PLA2G6: variants seen among roughly 807,000 people sequenced by gnomAD.
PLA2G6 encodes the protein phospholipase A2 group VI.
Under a neutral mutation model 83.8 loss-of-function variants are expected in PLA2G6, and 62 were observed. That is an observed-to-expected ratio of 0.74 (90% CI 0.60 to 0.91). The LOEUF (loss-of-function observed/expected upper bound fraction) is 0.91, where lower values mean the gene tolerates loss of function less well. Among genes scored for constraint, PLA2G6 ranks in the 40% least tolerant of loss-of-function variants. The pLI is 0.00. For missense variants in PLA2G6, 944 were observed against 1,102.0 expected, an observed-to-expected ratio of 0.86 and a Z score of 2.03; for synonymous variants, 417 against 449.8, an observed-to-expected ratio of 0.93 and a Z score of 0.92.
At position 38,112,672 on chromosome 22, in the gene PLA2G6, G is replaced by C. The variant is rs115102839; in HGVS notation, c.2203-95C>G. On this transcript the variant is annotated intron_variant, in intron 15 of 16. Coordinates refer to ENST00000332509, the MANE Select transcript of PLA2G6 (RefSeq NM_003560.4). ...CCTGCACTCTCGGAGCCCCAGCCTGGGGAGCCCCAGGCTCTTTCGAGTCAG... is the reference window on the plus strand; with the variant it reads ...CCTGCACTCTCGGAGCCCCAGCCTGCGGAGCCCCAGGCTCTTTCGAGTCAG... 1,504 of 1,058,504 alleles carry C rather than the reference G, an allele frequency of 1.4e-3. 22 individuals are homozygous for C. The African/African-American group carries it at 0.02, about 14-fold the overall frequency. The allele number at this position is 1,058,504 out of a possible 1,614,324, so 65.6% of individuals were successfully genotyped here. A position where few individuals can be genotyped will look rare whatever the true frequency, so the allele number is the denominator to read the frequency against.
intron 5 of PLA2G6, 85 bp from the exon 6 acceptor site, chr22:38,135,169 C>T (rs1055560424): frequency 6.8e-6 from 6 of 888,602 alleles, no homozygotes; most frequent in Admixed American, 1.8e-5. Flanking sequence ...GCTTCATCTA[C>T]TGCTTACAGA....
Position 38,128,301 on chromosome 22 carries a change from G to C in PLA2G6, c.1316C>G (p.Ala439Gly), listed in dbSNP as rs759442680. The C allele has an allele frequency of 1.9e-6, 3 of 1,612,990 alleles. No homozygotes were observed. The Admixed American group carries it at 5.0e-5, about 27-fold the overall frequency. ...APHHPFSLER[A>G]QPPPISLNNL... ...GTTTAGGCTGATCGGTGGGGGCTGA[G>C]CTCTTTCCAGGGAGAAGGGATGATG... Residue 439 changes from alanine (A) to glycine (G), a missense_variant, in exon 9 of 17, where the codon GCT becomes GGT. Coordinates refer to ENST00000332509, the MANE Select transcript of PLA2G6 (RefSeq NM_003560.4). The surrounding 1 kb of genome is among the most constrained non-coding windows in gnomAD (Gnocchi z 4.4).
chr22:38,127,783 T>G (rs980378630), intron 9 of PLA2G6, among the ~76,000 whole-genome samples: 4 of 152,168 alleles, frequency 2.6e-5, no homozygotes, highest in African/African-American at 9.7e-5. Flanking sequence ...GGGCAGATGC[T>G]GGCTGCCTGG....
intron 9 of PLA2G6, chr22:38,126,762 C>T (rs1243276660): frequency 7.2e-6 from 3 of 416,154 alleles, no homozygotes; most frequent in South Asian, 4.3e-5. Flanking sequence ...GCATGAATAC[C>T]CTTGCGTGTC....
chr22:38,136,795 T>C (rs1231694935), intron 5 of PLA2G6: 1 of 149,644 alleles, frequency 6.7e-6, no homozygotes, highest in East Asian at 2.0e-4. Context: ...ATGGGTTTAA[T>C]TCCCAGGTCT....
At chr22:38,148,554 G>A (rs2089394641) in intron 2 of PLA2G6, 4 of 717,280 alleles carry the variant, frequency 5.6e-6, no homozygotes. Flanking sequence ...TTACTGGAGA[G>A]GATGGGCAGA....
chr22:38,153,189 T>A lies in PLA2G6; in HGVS notation c.210-7536A>T, dbSNP rs542211631. On this transcript the variant is annotated intron_variant, in intron 2 of 16. Transcript: ENST00000332509. ...GCTCATGCCTGTAATCCCAGCACTT[T>A]GGGAGGCCGAGGTGCGTGGATCACC... Among the ~76,000 whole-genome samples, 6 of 152,320 alleles carry A rather than the reference T, an allele frequency of 3.9e-5. No homozygotes were observed. In the South Asian group the frequency reaches 1.2e-3, roughly 32 times the overall value.
At position 38,143,192 on chromosome 22, in the gene PLA2G6, G is replaced by C. The variant is rs1224061591; in HGVS notation, c.522C>G (p.Tyr174Ter). Residue 174 changes from tyrosine to a stop codon, truncating the protein, a stop_gained, in exon 4 of 17, where the codon TAC becomes TAG. Coordinates refer to ENST00000332509, the MANE Select transcript of PLA2G6 (RefSeq NM_003560.4). LOFTEE classifies it high-confidence loss of function. The stretch of plus-strand genomic sequence containing the variant: ...CGGTGACATCCATCTGAGTGTGGCA[G>C]TACTGCACCAGCTCCACCAGGATCT... ...DGEILVELVQ[Y>*]CHTQMDVTDY... 6.2e-7 allele frequency: 1 copy of C among 1,614,026 alleles called. No individual in the cohort carries two copies. The highest frequency in any genetic ancestry group is 8.5e-7 in the Non-Finnish European group (1 of 1,179,966).
chr22:38,179,332 C>T (rs966639819), intron 1 of PLA2G6, among the ~76,000 whole-genome samples: 4 of 152,164 alleles, frequency 2.6e-5, no homozygotes, highest in African/African-American at 9.7e-5. Context: ...GGGTAAGAAA[C>T]AGAGAGGCAT....
chr22:38,124,001 A>G (rs1300052018), intron 10 of PLA2G6, among the ~76,000 whole-genome samples: 1 of 151,600 alleles, frequency 6.6e-6, no homozygotes, highest in Non-Finnish European at 1.5e-5. Flanking sequence ...ACACCCAGCT[A>G]ATTTTGTATT....
intron 10 of PLA2G6, among the ~76,000 whole-genome samples, chr22:38,125,134 A>ATG (rs11570718): frequency 0.019 from 2,908 of 152,184 alleles, 80 homozygotes; most frequent in African/African-American, 0.067. Flanking sequence ...ATGTGTGTAC[A>ATG]TGTGTGTGCA....
At chr22:38,116,438 G>GT (rs919365374) in intron 12 of PLA2G6, 4 of 698,042 alleles carry the variant, frequency 5.7e-6, no homozygotes, top group African/African-American at 1.8e-5. Flanking sequence ...GCAAAAGTTG[G>GT]TTTTTTTGAA....
At chr22:38,179,051 G>A (rs1452234542) in intron 1 of PLA2G6, among the ~76,000 whole-genome samples, 1 of 152,260 alleles carries the variant, frequency 6.6e-6, no homozygotes, top group Non-Finnish European at 1.5e-5. Flanking sequence ...CTGAGGTGGA[G>A]AGTGAAATTT....
chr22:38,153,630 C>T (rs1330338383), intron 2 of PLA2G6, among the ~76,000 whole-genome samples: 4 of 147,622 alleles, frequency 2.7e-5, no homozygotes, highest in Admixed American at 6.7e-5. Context: ...AGCAAAACTC[C>T]GTCTCAAAAA....
chr22:38,133,146 T>G, intron 6 of PLA2G6, 133 bp from the exon 7 acceptor site: 1 of 843,228 alleles, frequency 1.2e-6, no homozygotes, highest in Non-Finnish European at 1.9e-6. Flanking sequence ...AGCAAGAGGA[T>G]TCCAGGGGCA....
intron 2 of PLA2G6, among the ~76,000 whole-genome samples, chr22:38,152,748 G>C (rs943332812): frequency 6.6e-6 from 1 of 152,192 alleles, no homozygotes; most frequent in African/African-American, 2.4e-5. Context: ...GGAAATATGA[G>C]AGAGACTCTT....
intron 12 of PLA2G6, among the ~76,000 whole-genome samples, chr22:38,118,743 GTTTGTT>G (rs2145700669): frequency 7.6e-6 from 1 of 131,450 alleles, no homozygotes; most frequent in South Asian, 2.8e-4. Context: ...TTGTGAGTTT[GTTTGTT>G]TTTGTTTTTT....
At chr22:38,116,792 A>G (rs1318404129) in intron 12 of PLA2G6, among the ~76,000 whole-genome samples, 1 of 138,472 alleles carries the variant, frequency 7.2e-6, no homozygotes, top group African/African-American at 2.6e-5. Context: ...CAGAGGTTGC[A>G]GTGAGCCGAG....
At chr22:38,117,372 TA>T (rs996221630) in intron 12 of PLA2G6, among the ~76,000 whole-genome samples, 1 of 152,108 alleles carries the variant, frequency 6.6e-6, no homozygotes, top group African/African-American at 2.4e-5. Flanking sequence ...CACGCCCGGC[TA>T]ATTTTTTGTA....
Sources: gnomAD v4.1 joint callset for allele counts (sites outside exome capture counted in the v4.1 genomes callset) on GRCh38, gnomAD v4.1.1 for gene constraint, Gnocchi (gnomAD v3.1) non-coding constraint, MANE v1.5 for transcripts, NCBI Gene and HGNC (gene_info 2026-07-23, HGNC 2026-07-21) for gene names.